The following SAMD12 variants were observed in gnomAD, a reference collection of about 807,000 sequenced individuals.
SAMD12 encodes the protein sterile alpha motif domain containing 12, also known as sterile alpha motif domain-containing protein 12.
SAMD12 carries 9 observed loss-of-function variants against 15.0 expected under a neutral mutation model. The ratio of observed to expected loss-of-function variants is 0.60; its 90% CI spans 0.36 to 1.05. The LOEUF is 1.05. SAMD12 is among the 50% of genes least tolerant of loss of function. SAMD12 has a pLI of 0.01. For synonymous variants in SAMD12, 86 were observed against 90.1 expected (o/e 0.96, Z 0.25); for missense variants, 230 against 234.2 (o/e 0.98, Z 0.12).
chr8:118,284,298 G>T (rs1262919028), intron 4 of SAMD12: 4 of 456,166 alleles, frequency 8.8e-6, no homozygotes, highest in Middle Eastern at 3.2e-4. Flanking sequence ...GCTTGCAGCA[G>T]AACTGGCTGG....
chr8:118,278,317 C>G (rs980643286), intron 4 of SAMD12, among the ~76,000 whole-genome samples: 8 of 152,234 alleles, frequency 5.3e-5, no homozygotes, highest in Admixed American at 3.3e-4. Flanking sequence ...CTTGCCAATT[C>G]TCATGAACAA....
At chr8:118,219,763 C>G (rs949929789) in intron 4 of SAMD12, among the ~76,000 whole-genome samples, 7 of 152,182 alleles carry the variant, frequency 4.6e-5, no homozygotes, top group African/African-American at 1.7e-4. Flanking sequence ...GCCAAGGCAC[C>G]AGGAAGGTGA....
intron 2 of SAMD12, among the ~76,000 whole-genome samples, chr8:118,460,132 C>A (rs2130935454): frequency 6.6e-6 from 1 of 152,266 alleles, no homozygotes; most frequent in East Asian, 1.9e-4. Context: ...CAGTATTGTC[C>A]TTCACAAAGG....
At chr8:118,603,577 G>C (rs1014361883) in intron 1 of SAMD12, among the ~76,000 whole-genome samples, 1 of 152,160 alleles carries the variant, frequency 6.6e-6, no homozygotes, top group African/African-American at 2.4e-5. Context: ...AGATATGCAA[G>C]TTCTCAAAAC....
intron 4 of SAMD12, among the ~76,000 whole-genome samples, chr8:118,308,895 T>A (rs1815480435): frequency 6.6e-6 from 1 of 152,176 alleles, no homozygotes; most frequent in South Asian, 2.1e-4. Context: ...CTTCTGGAAA[T>A]AATCAATATA....
intron 4 of SAMD12, among the ~76,000 whole-genome samples, chr8:118,261,886 C>CTT (rs569792304): frequency 1.4e-5 from 2 of 144,702 alleles, no homozygotes; most frequent in Non-Finnish European, 1.5e-5. Context: ...AAATTGACAT[C>CTT]TTTTTTTTTT....
At chr8:118,285,876 C>A (rs111738109) in intron 4 of SAMD12, among the ~76,000 whole-genome samples, 1 of 152,036 alleles carries the variant, frequency 6.6e-6, no homozygotes, top group African/African-American at 2.4e-5. Context: ...TAGAGAAAGA[C>A]CAAAGAGTTG....
At chr8:118,348,413 T>C (rs543299192) in intron 4 of SAMD12, among the ~76,000 whole-genome samples, 15 of 150,012 alleles carry the variant, frequency 1.0e-4, no homozygotes, top group East Asian at 2.0e-4. Flanking sequence ...CTCTGTTGCC[T>C]AGGCTGGAGT....
chr8:118,537,005 T>G (rs1825863481), intron 2 of SAMD12, among the ~76,000 whole-genome samples: 1 of 152,192 alleles, frequency 6.6e-6, no homozygotes. Flanking sequence ...TCTGGGAAAG[T>G]CTTTATTTTG....
At chr8:118,302,325 A>G (rs1344222239) in intron 4 of SAMD12, among the ~76,000 whole-genome samples, 5 of 152,082 alleles carry the variant, frequency 3.3e-5, no homozygotes, top group South Asian at 2.1e-4. Context: ...TTGCTCATAA[A>G]TTCATTTATA....
chr8:118,152,878 C>T, the SAMD12 span, among the ~76,000 whole-genome samples: 8,808 of 152,184 alleles, frequency 0.058, 831 homozygotes, highest in African/African-American at 0.2. Context: ...GTGCTTTATG[C>T]GACACAAGTA....
chr8:118,403,055 G>A (rs771848499), intron 3 of SAMD12, among the ~76,000 whole-genome samples: 8 of 152,230 alleles, frequency 5.3e-5, no homozygotes, highest in Non-Finnish European at 1.0e-4. Context: ...AGCCTGCACT[G>A]TGAATTGGGT....
At chr8:118,546,523 G>A (rs532628681) in intron 2 of SAMD12, among the ~76,000 whole-genome samples, 6 of 152,132 alleles carry the variant, frequency 3.9e-5, no homozygotes, top group Admixed American at 6.5e-5. Flanking sequence ...AGGGCAGATG[G>A]CAATGGAGCA....
chr8:118,373,918 G>A (rs1819241924), downstream of SAMD12, among the ~76,000 whole-genome samples: 1 of 152,110 alleles, frequency 6.6e-6, no homozygotes, highest in African/African-American at 2.4e-5. Flanking sequence ...TAATCTTGAT[G>A]ATGATTTCAA....
At chr8:118,295,523 C>A (rs1814658149) in intron 4 of SAMD12, among the ~76,000 whole-genome samples, 1 of 152,020 alleles carries the variant, frequency 6.6e-6, no homozygotes, top group Admixed American at 6.6e-5. Flanking sequence ...GCTGGAAACT[C>A]AATTTAGTTT....
intron 4 of SAMD12, among the ~76,000 whole-genome samples, chr8:118,210,144 C>T (rs1399909055): frequency 6.6e-6 from 1 of 152,156 alleles, no homozygotes; most frequent in Non-Finnish European, 1.5e-5. Flanking sequence ...CCAAGGTACA[C>T]AGAAGACAAG....
chr8:118,237,738 T>A (rs1471908240), intron 4 of SAMD12, among the ~76,000 whole-genome samples: 1 of 152,182 alleles, frequency 6.6e-6, no homozygotes, highest in Non-Finnish European at 1.5e-5. Flanking sequence ...GTATTTTTTG[T>A]CATTAAAATC....
intron 2 of SAMD12, among the ~76,000 whole-genome samples, chr8:118,486,190 A>G (rs188037252): frequency 2.5e-4 from 38 of 152,216 alleles, no homozygotes; most frequent in South Asian, 4.1e-4. Flanking sequence ...CAAGGCGGGC[A>G]GATCACGAGG....
chr8:118,588,212 T>C (rs1304914504), intron 1 of SAMD12, among the ~76,000 whole-genome samples: 3 of 152,192 alleles, frequency 2.0e-5, no homozygotes, highest in Non-Finnish European at 2.9e-5. Context: ...AATGTGTTCC[T>C]GTGTGTCTGG....
Sources: allele counts gnomAD v4.1 joint callset (sites outside exome capture counted in the v4.1 genomes callset), GRCh38; gene constraint gnomAD v4.1.1; transcripts MANE v1.5; gene names NCBI Gene and HGNC (gene_info 2026-07-23, HGNC 2026-07-21).